SORCS1: variants seen among roughly 807,000 people sequenced by gnomAD.
SORCS1 encodes the protein sortilin related VPS10 domain containing receptor 1.
SORCS1 carries 60 observed loss-of-function variants against 146.1 expected under a neutral mutation model. That is an observed-to-expected ratio of 0.41 (90% CI 0.33 to 0.51). The LOEUF is 0.51. Ranked by LOEUF, SORCS1 falls within the 20% of genes least tolerant of loss-of-function variation. SORCS1 has a pLI of 0.21. For missense variants in SORCS1, 1,352 were observed against 1,487.6 expected (o/e 0.91, Z 1.50); for synonymous variants, 637 against 584.0 (o/e 1.09, Z -1.31).
rs1251578135 is a variant in SORCS1, at chr10:106,983,280, A to C, written c.559-26700T>G. On this transcript the variant is annotated intron_variant, in intron 1 of 25. Transcript: ENST00000263054. ...TTTCTATATATAAATATACATATACATATTTCTATTCTTAGAAATTAACAC... is the reference window on the plus strand; with the variant it reads ...TTTCTATATATAAATATACATATACCTATTTCTATTCTTAGAAATTAACAC... Among the ~76,000 whole-genome samples, 3 of 149,142 alleles carry C rather than the reference A, an allele frequency of 2.0e-5. No homozygotes were observed. In the South Asian group the frequency reaches 6.3e-4, roughly 31 times the overall value.
At chr10:106,898,539 A>G (rs1951576477) in intron 2 of SORCS1, among the ~76,000 whole-genome samples, 1 of 152,216 alleles carries the variant, frequency 6.6e-6, no homozygotes, top group African/African-American at 2.4e-5. Flanking sequence ...AGCATCAAAC[A>G]AATGGCCACT....
intron 18 of SORCS1, among the ~76,000 whole-genome samples, chr10:106,639,480 G>C (rs975896580): frequency 3.3e-5 from 5 of 152,164 alleles, no homozygotes; most frequent in African/African-American, 1.2e-4. Context: ...GATTAGTTTT[G>C]AGGGGAGTGA....
At chr10:107,030,088 TG>T (rs939986653) in intron 1 of SORCS1, among the ~76,000 whole-genome samples, 54 of 152,266 alleles carry the variant, frequency 3.5e-4, no homozygotes, top group African/African-American at 1.1e-3. Context: ...TTTTTCTACT[TG>T]AAAAAAAATT....
At chr10:106,976,337 T>TTTTTTGTTTG (rs1554901362) in intron 1 of SORCS1, among the ~76,000 whole-genome samples, 5 of 140,386 alleles carry the variant, frequency 3.6e-5, no homozygotes, top group Non-Finnish European at 7.7e-5. Context: ...TTTTTTGTTT[T>TTTTTTGTTTG]TTTTTTTTTT....
chr10:106,760,180 C>T (rs1858971558), intron 5 of SORCS1, among the ~76,000 whole-genome samples: 1 of 151,952 alleles, frequency 6.6e-6, no homozygotes, highest in Admixed American at 6.6e-5. Flanking sequence ...CGTGATGGCT[C>T]ACGCCTGTAA....
At chr10:106,939,192 C>T (rs1953904351) in intron 2 of SORCS1, among the ~76,000 whole-genome samples, 2 of 152,176 alleles carry the variant, frequency 1.3e-5, no homozygotes, top group African/African-American at 4.8e-5. Context: ...CAAAGATTTC[C>T]GGACATTTCC....
At chr10:106,813,215 C>A (rs1189311022) in intron 3 of SORCS1, among the ~76,000 whole-genome samples, 2 of 149,678 alleles carry the variant, frequency 1.3e-5, no homozygotes, top group African/African-American at 5.0e-5. Flanking sequence ...TCACTGCAAC[C>A]CCTGCCTCCC....
intron 1 of SORCS1, among the ~76,000 whole-genome samples, chr10:107,121,597 T>C (rs1039321938): frequency 1.4e-4 from 21 of 152,052 alleles, no homozygotes; most frequent in African/African-American, 5.1e-4. Flanking sequence ...TTAACAACAT[T>C]ATCAAACATG....
chr10:107,103,468 G>T (rs1267304092), intron 1 of SORCS1, among the ~76,000 whole-genome samples: 1 of 152,182 alleles, frequency 6.6e-6, no homozygotes, highest in Non-Finnish European at 1.5e-5. Context: ...CTTGCTCATT[G>T]CTTTTCAATG....
chr10:106,893,178 C>T (rs1203972033), intron 2 of SORCS1, among the ~76,000 whole-genome samples: 1 of 152,140 alleles, frequency 6.6e-6, no homozygotes, highest in Non-Finnish European at 1.5e-5. Context: ...GCTGGGAATA[C>T]AGGCGTGAGC....
upstream of SORCS1, among the ~76,000 whole-genome samples, chr10:107,167,068 G>T (rs913952126): frequency 3.3e-5 from 5 of 152,260 alleles, no homozygotes; most frequent in Admixed American, 3.3e-4. Context: ...TTCATAGAGA[G>T]CAGGCAAGTT....
chr10:106,959,786 G>A (rs1416778388), intron 1 of SORCS1, among the ~76,000 whole-genome samples: 1 of 152,232 alleles, frequency 6.6e-6, no homozygotes, highest in Non-Finnish European at 1.5e-5. Context: ...AGCTGGGAGT[G>A]AGGTGCAGGA....
the SORCS1 span, among the ~76,000 whole-genome samples, chr10:107,170,126 A>G: frequency 6.6e-6 from 1 of 152,156 alleles, no homozygotes; most frequent in African/African-American, 2.4e-5. Context: ...CATTAACATA[A>G]CTTTATTATA....
At chr10:106,681,006 T>A (rs1243092201) in intron 10 of SORCS1, among the ~76,000 whole-genome samples, 3 of 152,314 alleles carry the variant, frequency 2.0e-5, no homozygotes, top group African/African-American at 7.2e-5. Context: ...CAAGGTGCAC[T>A]AATAGTAACA....
intron 5 of SORCS1, among the ~76,000 whole-genome samples, chr10:106,746,741 C>T (rs113928713): frequency 0.02 from 3,078 of 152,294 alleles, 45 homozygotes; most frequent in Non-Finnish European, 0.028. Context: ...AACCTGATAG[C>T]AGATGACAAC....
Position 106,740,202 on chromosome 10 carries a change from C to T in SORCS1, c.960-10088G>A, listed in dbSNP as rs1002244328. Reference sequence around the variant, plus strand: ...ATATACACAAAATAGAAACTAAAATCGGAGCAAAGAATAATCAGAAAGTAT... The same window carrying T: ...ATATACACAAAATAGAAACTAAAATTGGAGCAAAGAATAATCAGAAAGTAT... On this transcript the variant is annotated intron_variant, in intron 5 of 25. Transcript: ENST00000263054. Among the ~76,000 whole-genome samples the T allele has an allele frequency of 4.6e-5, 7 of 152,186 alleles. No homozygotes were observed. In the South Asian group the frequency reaches 1.2e-3, roughly 27 times the overall value.
At chr10:106,970,778 G>A (rs1164340085) in intron 1 of SORCS1, among the ~76,000 whole-genome samples, 1 of 147,108 alleles carries the variant, frequency 6.8e-6, no homozygotes, top group African/African-American at 2.5e-5. Flanking sequence ...TGCTCTTGTT[G>A]CCCAGGCTGG....
chr10:106,775,137 T>C (rs1164564789), intron 4 of SORCS1, among the ~76,000 whole-genome samples: 7 of 152,222 alleles, frequency 4.6e-5, no homozygotes. Flanking sequence ...TGCAAAGCTT[T>C]TACTTAGGCA....
intron 2 of SORCS1, among the ~76,000 whole-genome samples, chr10:106,931,832 A>G (rs572753156): frequency 1.3e-5 from 2 of 152,296 alleles, no homozygotes; most frequent in African/African-American, 4.8e-5. Context: ...ACTATCATCC[A>G]TTATTTTAAA....
Sources: allele counts gnomAD v4.1 joint callset (sites outside exome capture counted in the v4.1 genomes callset), GRCh38; gene constraint gnomAD v4.1.1; transcripts MANE v1.5; gene names NCBI Gene and HGNC (gene_info 2026-07-23, HGNC 2026-07-21).